Variants in ST3GAL4 observed in about 807,000 individuals in gnomAD.
ST3GAL4 encodes the protein CMP-N-acetylneuraminate-beta-galactosamide-alpha-2,3-sialyltransferase 4.
Under a neutral mutation model 42.6 loss-of-function variants are expected in ST3GAL4, and 24 were observed. That is an observed-to-expected ratio of 0.56 (90% confidence interval 0.41 to 0.79). ST3GAL4 has a LOEUF of 0.79. Among genes scored for constraint, ST3GAL4 ranks in the 30% least tolerant of loss-of-function variants. The probability of loss-of-function intolerance (pLI) is 0.00; values close to 1 mark genes in which losing one functional copy is unlikely to be tolerated. For synonymous variants in ST3GAL4, 135 were observed against 163.2 expected, an observed-to-expected ratio of 0.83 and a Z score of 1.32; for missense variants, 311 against 430.8, an observed-to-expected ratio of 0.72 and a Z score of 2.46.
rs779248242 is a variant in ST3GAL4, at chr11:126,414,093, G to A, written c.*46G>A. ...TGTCGGTTGCCTACTCTGCTGTCTG[G>A]GTGACCCCCATGCGTGGCTGTGGGG... is the stretch of plus-strand genomic sequence containing the variant. On this transcript the variant is annotated 3_prime_UTR_variant, in exon 11 of 11. Transcript: ENST00000444328. 6.2e-7 allele frequency: 1 copy of A among 1,600,314 alleles called. No individual in the cohort carries two copies. Among genetic ancestry groups the A allele is most frequent in the Non-Finnish European group, 8.6e-7 (1 of 1,167,476 alleles).
intron 4 of ST3GAL4, 24 bp from the exon 5 acceptor site, chr11:126,407,228 C>T (rs530386626): frequency 1.9e-6 from 3 of 1,612,080 alleles, no homozygotes; most frequent in African/African-American, 1.3e-5. Flanking sequence ...TTCTCATCCC[C>T]ACCCGGCTTT....
intron 1 of ST3GAL4, among the ~76,000 whole-genome samples, chr11:126,368,014 G>GGC (rs778147593): frequency 4.6e-5 from 7 of 151,640 alleles, no homozygotes; most frequent in African/African-American, 9.7e-5. Flanking sequence ...TGGACATAAT[G>GGC]GCGCGCGCCT....
At position 126,414,095 on chromosome 11, in the gene ST3GAL4, T is replaced by C; in HGVS notation, c.*48T>C. The stretch of plus-strand genomic sequence containing the variant: ...TCGGTTGCCTACTCTGCTGTCTGGG[T>C]GACCCCCATGCGTGGCTGTGGGGGT... On this transcript the variant is annotated 3_prime_UTR_variant, in exon 11 of 11. Transcript: ENST00000444328. The C allele has an allele frequency of 6.3e-7, 1 of 1,592,314 alleles. No homozygotes were observed. The highest frequency in any genetic ancestry group is 2.2e-5 in the East Asian group (1 of 44,722).
In ST3GAL4 at chr11:126,373,086, C is replaced by T. The variant is rs1446436668; in HGVS notation, c.-61+17244C>T. Reference sequence around the variant, plus strand: ...GCACTGTACCTGACTTGTTTAAAGCCTGATGTCTTGAGTACTGTGCACCCC... The same window carrying T: ...GCACTGTACCTGACTTGTTTAAAGCTTGATGTCTTGAGTACTGTGCACCCC... On this transcript the variant is annotated intron_variant, in intron 1 of 10. Coordinates refer to ENST00000444328, the MANE Select transcript of ST3GAL4 (RefSeq NM_001254757.2). The surrounding 1 kb of genome is among the most constrained non-coding windows in gnomAD (Gnocchi z 5.5). Among the ~76,000 whole-genome samples the T allele has an allele frequency of 6.6e-6, 1 of 152,186 alleles. No individual in the cohort carries two copies. The highest frequency in any genetic ancestry group is 6.5e-5 in the Admixed American group (1 of 15,268).
intron 1 of ST3GAL4, among the ~76,000 whole-genome samples, chr11:126,375,647 C>T (rs1425033128): frequency 1.3e-5 from 2 of 152,166 alleles, no homozygotes; most frequent in African/African-American, 4.8e-5. Context: ...AATACTTGCA[C>T]AGCCCTTAGA....
intron 1 of ST3GAL4, among the ~76,000 whole-genome samples, chr11:126,370,899 C>T (rs757534693): frequency 6.6e-6 from 1 of 152,078 alleles, no homozygotes; most frequent in African/African-American, 2.4e-5. Flanking sequence ...AGCTCCTGAA[C>T]TCAATCAATC....
Position 126,398,293 on chromosome 11 carries a change from C to G in ST3GAL4, c.-60-7803C>G, listed in dbSNP as rs570675636. 3.9e-5 allele frequency among the ~76,000 whole-genome samples: 6 copies of G among 152,256 alleles called. No homozygotes were observed. The highest frequency in any genetic ancestry group is 8.8e-5 in the Non-Finnish European group (6 of 68,042). On this transcript the variant is annotated intron_variant, in intron 1 of 10. Coordinates refer to ENST00000444328, the MANE Select transcript of ST3GAL4 (RefSeq NM_001254757.2). This position sits in a 1 kb window ranked among gnomAD's most constrained non-coding sequence, Gnocchi z 4.7. ...GAGATAGGCAAGAAGAAAGGGGCAA[C>G]TGGTCCAGACAACTCCAGAACCCAG...
rs1200320619 is a variant in ST3GAL4 at position 126,392,342 on chromosome 11, A to G, written c.-60-13754A>G. ...GACATCAGTTCTGATATGGTGCAGCAGACATGGAGCTGGTAAGTGGTTAAG... is the reference window on the plus strand; with the variant it reads ...GACATCAGTTCTGATATGGTGCAGCGGACATGGAGCTGGTAAGTGGTTAAG... On this transcript the variant is annotated intron_variant, in intron 1 of 10. Transcript: ENST00000444328. The surrounding 1 kb of genome is among the most constrained non-coding windows in gnomAD (Gnocchi z 5.8). 2.0e-6 allele frequency: 2 copies of G among 985,802 alleles called. No homozygotes were observed. The highest frequency in any genetic ancestry group is 2.4e-6 in the Non-Finnish European group (2 of 829,970). 61.1% of individuals were successfully genotyped at this position (985,802 alleles called of 1,614,324 possible). A position where few individuals can be genotyped will look rare whatever the true frequency, so the allele number is the denominator to read the frequency against.
Position 126,405,615 on chromosome 11 carries a change from G to A in ST3GAL4, c.-60-481G>A, listed in dbSNP as rs17135420. 23 of 179,858 alleles carry A rather than the reference G, an allele frequency of 1.3e-4. No individual in the cohort carries two copies. In the East Asian group the frequency reaches 3.4e-3, roughly 27 times the overall value. The allele number at this position is 179,858 out of a possible 1,614,324, so 11.1% of individuals were successfully genotyped here. A position where few individuals can be genotyped will look rare whatever the true frequency, so the allele number is the denominator to read the frequency against. On this transcript the variant is annotated intron_variant, in intron 1 of 10. Coordinates refer to ENST00000444328, the MANE Select transcript of ST3GAL4 (RefSeq NM_001254757.2). ...TGGCTGGATTGATGATGGAGAGGCAGGCAGTGACCAGACCAAGAGACGCCT... is the reference window on the plus strand; with the variant it reads ...TGGCTGGATTGATGATGGAGAGGCAAGCAGTGACCAGACCAAGAGACGCCT...
intron 1 of ST3GAL4, among the ~76,000 whole-genome samples, chr11:126,362,344 T>C (rs1952272185): frequency 1.3e-5 from 2 of 151,686 alleles, no homozygotes; most frequent in African/African-American, 4.9e-5. Context: ...GGATTATAGG[T>C]GCCCACCATC....
intron 1 of ST3GAL4, among the ~76,000 whole-genome samples, chr11:126,390,434 A>C (rs934344809): frequency 5.3e-5 from 8 of 151,820 alleles, no homozygotes; most frequent in African/African-American, 1.9e-4. Context: ...GCACATATTC[A>C]GCCTCACTAG....
Position 126,376,769 on chromosome 11 carries a change from A to G in ST3GAL4, c.-61+20927A>G, listed in dbSNP as rs1489736149. The G allele has an allele frequency of 6.6e-6, 1 of 152,214 alleles. No homozygotes were observed. The highest frequency in any genetic ancestry group is 2.4e-5 in the African/African-American group (1 of 41,444). 9.4% of individuals were successfully genotyped at this position (152,214 alleles called of 1,614,324 possible). On this transcript the variant is annotated intron_variant, in intron 1 of 10. Transcript: ENST00000444328. This position sits in a 1 kb window ranked among gnomAD's most constrained non-coding sequence, Gnocchi z 5.1. ...CACAGTATTACTCTCTGTTACCACC[A>G]CCAATGTAGTCACTGGGACAAAGAG...
Position 126,383,713 on chromosome 11 carries a change from G to T in ST3GAL4, c.-60-22383G>T, listed in dbSNP as rs527917099. On this transcript the variant is annotated intron_variant, in intron 1 of 10. Transcript: ENST00000444328. The surrounding 1 kb of genome is among the most constrained non-coding windows in gnomAD (Gnocchi z 4.5). ...AGCTGCAGGGACCGGAGAGCTGCTG[G>T]AAGGGGCTGTCTATGCCTTCAGGCT... 6.6e-6 allele frequency among the ~76,000 whole-genome samples: 1 copy of T among 152,256 alleles called. No individual in the cohort carries two copies. Among genetic ancestry groups the T allele is most frequent in the South Asian group, 2.1e-4 (1 of 4,824 alleles).
At chr11:126,395,266 G>C (rs993978048) in intron 1 of ST3GAL4, among the ~76,000 whole-genome samples, 1 of 152,130 alleles carries the variant, frequency 6.6e-6, no homozygotes, top group Admixed American at 6.5e-5. Context: ...TGTCAACATG[G>C]GTGATACAGC....
rs574712288 is a variant in ST3GAL4 at position 126,383,393 on chromosome 11, G to A, written c.-60-22703G>A. On this transcript the variant is annotated intron_variant, in intron 1 of 10. Transcript: ENST00000444328. This position sits in a 1 kb window ranked among gnomAD's most constrained non-coding sequence, Gnocchi z 4.5. ...CAGAGTCTCCAGGAGCCAGAGCTGG[G>A]GTGGGAGGAACCCACTGGGCCTGAG... Among the ~76,000 whole-genome samples the A allele has an allele frequency of 6.6e-6, 1 of 152,312 alleles. No homozygotes were observed. The highest frequency in any genetic ancestry group is 2.1e-4 in the South Asian group (1 of 4,828).
At chr11:126,387,750 TGACCCCCAG>T (rs1332769548) in intron 1 of ST3GAL4, among the ~76,000 whole-genome samples, 2 of 149,460 alleles carry the variant, frequency 1.3e-5, no homozygotes, top group African/African-American at 5.0e-5. Flanking sequence ...TCCAGACCTC[TGACCCCCAG>T]GACTTTTCTC....
intron 6 of ST3GAL4, 91 bp from the exon 7 acceptor site, chr11:126,408,008 A>C (rs754984923): frequency 3.6e-6 from 5 of 1,408,140 alleles, no homozygotes; most frequent in Non-Finnish European, 4.9e-6. Flanking sequence ...GGGGCCTAGG[A>C]AGTGGTCCTG....
rs201214911 is a variant in ST3GAL4, at chr11:126,400,550, G to A, written c.-60-5546G>A. Among the ~76,000 whole-genome samples the A allele has an allele frequency of 4.6e-5, 7 of 152,210 alleles. No individual in the cohort carries two copies. Among genetic ancestry groups the A allele is most frequent in the Admixed American group, 1.3e-4 (2 of 15,276 alleles). On this transcript the variant is annotated intron_variant, in intron 1 of 10. Coordinates refer to ENST00000444328, the MANE Select transcript of ST3GAL4 (RefSeq NM_001254757.2). This position sits in a 1 kb window ranked among gnomAD's most constrained non-coding sequence, Gnocchi z 4.6. ...TGCTTGGGAGGAGGGTAAGAGATGC[G>A]TTTGCAGTTCTCATGGCCGCAGACT... is the stretch of plus-strand genomic sequence containing the variant.
chr11:126,407,717 G>A (rs1385125088), intron 6 of ST3GAL4, 83 bp downstream of exon 6: 47 of 995,718 alleles, frequency 4.7e-5, no homozygotes, highest in East Asian at 2.0e-4. Flanking sequence ...CCACCCCCCC[G>A]CTCTGTGAAA....
Sources: gnomAD v4.1 joint callset for allele counts (sites outside exome capture counted in the v4.1 genomes callset) on GRCh38, gnomAD v4.1.1 for gene constraint, Gnocchi (gnomAD v3.1) non-coding constraint, MANE v1.5 for transcripts, NCBI Gene and HGNC (gene_info 2026-07-23, HGNC 2026-07-21) for gene names.